The following ZNF469 variants were observed in gnomAD, a reference collection of about 807,000 sequenced individuals.
ZNF469 encodes zinc finger protein 469.
In ZNF469, 1 loss-of-function variant was observed where a neutral mutation model predicts 1.0. The ratio of observed to expected loss-of-function variants is 1.00; its 90% confidence interval spans 0.35 to 4.73. The LOEUF (loss-of-function observed/expected upper bound fraction) is 4.73. Among genes scored for constraint, ZNF469 ranks in the 30% most tolerant of loss-of-function variants. The pLI is 0.16. For missense variants in ZNF469, 6,100 were observed against 5,356.3 expected, an observed-to-expected ratio of 1.14 and a Z score of -4.33; for synonymous variants, 2,703 against 2,363.4, an observed-to-expected ratio of 1.14 and a Z score of -4.17.
the ZNF469 span, among the ~76,000 whole-genome samples, chr16:88,291,127 C>A: frequency 6.6e-6 from 1 of 152,176 alleles, no homozygotes; most frequent in Non-Finnish European, 1.5e-5. Context: ...GGGATGCTAA[C>A]CCACATAGAT....
intron 1 of ZNF469, among the ~76,000 whole-genome samples, chr16:88,388,458 G>GC (rs1363872483): frequency 5.1e-5 from 7 of 137,482 alleles, no homozygotes; most frequent in South Asian, 2.3e-4. Context: ...CCCTGAGCGG[G>GC]GTTTTCCGCA....
chr16:88,260,062 C>T, the ZNF469 span, among the ~76,000 whole-genome samples: 2 of 151,972 alleles, frequency 1.3e-5, no homozygotes. The surrounding 1 kb of genome is among the most constrained non-coding windows in gnomAD (Gnocchi z 4.1). Flanking sequence ...ACTGAAACCT[C>T]CGCCTCCCGG....
At chr16:88,324,954 G>C in the ZNF469 span, among the ~76,000 whole-genome samples, 1 of 152,170 alleles carries the variant, frequency 6.6e-6, no homozygotes, top group Non-Finnish European at 1.5e-5. Context: ...TTCTGGGGAG[G>C]CCTCAGGAAA....
the ZNF469 span, among the ~76,000 whole-genome samples, chr16:88,373,484 A>G: frequency 6.6e-6 from 1 of 152,212 alleles, no homozygotes; most frequent in Non-Finnish European, 1.5e-5. Context: ...TCCCCTTGGG[A>G]GATCTGGTCC....
At chr16:88,410,994 C>T (rs1038333044) in intron 1 of ZNF469, among the ~76,000 whole-genome samples, 1 of 152,228 alleles carries the variant, frequency 6.6e-6, no homozygotes, top group African/African-American at 2.4e-5. Flanking sequence ...GTGGCCTCCT[C>T]CTGCGTCCGT....
In ZNF469 at chr16:88,429,213, G is replaced by T; in HGVS notation, c.1743G>T (p.Pro581=). The part of the protein sequence containing the change: ...SPHGTPSLPP[P]RVVGASPSES... Reference sequence around the variant, plus strand: ...ACGGGACACCCAGCCTGCCCCCACCGAGGGTAGTGGGAGCCTCCCCCAGCG... The same window carrying T: ...ACGGGACACCCAGCCTGCCCCCACCTAGGGTAGTGGGAGCCTCCCCCAGCG... Residue 581 remains proline, a synonymous_variant, in exon 3 of 3, where the codon CCG becomes CCT. Coordinates refer to ENST00000565624, the MANE Select transcript of ZNF469 (RefSeq NM_001367624.2). The T allele has an allele frequency of 6.5e-7, 1 of 1,549,776 alleles. No homozygotes were observed. Among genetic ancestry groups the T allele is most frequent in the Non-Finnish European group, 8.7e-7 (1 of 1,146,800 alleles).
chr16:88,149,979 A>AG, the ZNF469 span, among the ~76,000 whole-genome samples: 2 of 152,238 alleles, frequency 1.3e-5, no homozygotes, highest in African/African-American at 4.8e-5. Flanking sequence ...TCTGTCAGGC[A>AG]GGGGCACAGC....
At chr16:88,316,291 G>C in the ZNF469 span, among the ~76,000 whole-genome samples, 1 of 152,170 alleles carries the variant, frequency 6.6e-6, no homozygotes, top group Non-Finnish European at 1.5e-5. Context: ...TGCCAGCCCT[G>C]GTCTGCCCGC....
the ZNF469 span, among the ~76,000 whole-genome samples, chr16:88,119,178 G>C: frequency 6.6e-6 from 1 of 152,242 alleles, no homozygotes; most frequent in Non-Finnish European, 1.5e-5. Flanking sequence ...AGTAAGTGAA[G>C]AAATGTCTTC....
At position 88,439,455 on chromosome 16, in the gene ZNF469, A is replaced by G; in HGVS notation, c.*123A>G. 1 of 1,084,508 alleles carries G rather than the reference A, an allele frequency of 9.2e-7. No individual in the cohort carries two copies. Among genetic ancestry groups the G allele is most frequent in the East Asian group, 2.6e-5 (1 of 38,806 alleles). The allele number at this position is 1,084,508 out of a possible 1,614,324, so 67.2% of individuals were successfully genotyped here. A position where few individuals can be genotyped will look rare whatever the true frequency, so the allele number is the denominator to read the frequency against. On this transcript the variant is annotated 3_prime_UTR_variant, in exon 3 of 3. Transcript: ENST00000565624. ...CACTTGACTTCTTGTGCAACTGCTC[A>G]GGCCTTGATGTCAGAGCTGAGGTGG...
chr16:88,409,226 G>A (rs2142281503), intron 1 of ZNF469, among the ~76,000 whole-genome samples: 1 of 152,366 alleles, frequency 6.6e-6, no homozygotes, highest in South Asian at 2.1e-4. Context: ...ACCTCACGGT[G>A]ACTCAGTTTC....
the ZNF469 span, among the ~76,000 whole-genome samples, chr16:88,283,614 T>C: frequency 6.6e-6 from 1 of 152,258 alleles, no homozygotes; most frequent in Non-Finnish European, 1.5e-5. Context: ...GGGTATCTGT[T>C]ACATTACTTT....
chr16:88,234,314 T>C, the ZNF469 span, among the ~76,000 whole-genome samples: 2 of 152,260 alleles, frequency 1.3e-5, no homozygotes, highest in Admixed American at 1.3e-4. Context: ...TCCTATATTA[T>C]AGATGGGATG....
chr16:88,346,980 A>C, the ZNF469 span, among the ~76,000 whole-genome samples: 2 of 152,218 alleles, frequency 1.3e-5, no homozygotes, highest in Non-Finnish European at 2.9e-5. Context: ...AGGCACACTG[A>C]GGTATTTAGC....
the ZNF469 span, among the ~76,000 whole-genome samples, chr16:88,336,081 AACACC>A: frequency 6.6e-6 from 1 of 151,424 alleles, no homozygotes; most frequent in Non-Finnish European, 1.5e-5. Flanking sequence ...CTAACATGCC[AACACC>A]ACACATGTTC....
the ZNF469 span, among the ~76,000 whole-genome samples, chr16:88,230,472 T>G: frequency 6.6e-6 from 1 of 152,102 alleles, no homozygotes; most frequent in Non-Finnish European, 1.5e-5. Context: ...AACTGGGCTC[T>G]GAGCCTCTGG....
At chr16:88,349,334 G>A in the ZNF469 span, among the ~76,000 whole-genome samples, 2 of 151,932 alleles carry the variant, frequency 1.3e-5, no homozygotes, top group Non-Finnish European at 2.9e-5. Flanking sequence ...ATGCACATGA[G>A]CACCACACAC....
chr16:88,264,971 G>T, the ZNF469 span, among the ~76,000 whole-genome samples: 1 of 152,256 alleles, frequency 6.6e-6, no homozygotes, highest in African/African-American at 2.4e-5. Flanking sequence ...CTGCGGTTCT[G>T]TGCTCAGCAA....
chr16:88,236,924 C>G, the ZNF469 span, among the ~76,000 whole-genome samples: 2 of 152,066 alleles, frequency 1.3e-5, no homozygotes, highest in African/African-American at 4.8e-5. Context: ...AACCAGCATC[C>G]CTCTAATTTT....
Sources: allele counts gnomAD v4.1 joint callset (sites outside exome capture counted in the v4.1 genomes callset), GRCh38; gene constraint gnomAD v4.1.1; non-coding constraint Gnocchi (gnomAD v3.1); transcripts MANE v1.5; gene names NCBI Gene and HGNC (gene_info 2026-07-23, HGNC 2026-07-21).